Variants in SCFD2 observed in about 807,000 individuals in gnomAD.
The protein encoded by SCFD2 is sec1 family domain-containing protein 2.
SCFD2 carries 54 observed loss-of-function variants against 58.9 expected under a neutral mutation model. That is an observed-to-expected ratio of 0.92 (90% confidence interval 0.74 to 1.15). The LOEUF (loss-of-function observed/expected upper bound fraction) is 1.15. Ranked by LOEUF, SCFD2 falls within the 50% of genes most tolerant of loss-of-function variation. SCFD2 has a pLI of 0.00. For missense variants in SCFD2, 805 were observed against 836.6 expected (o/e 0.96, Z 0.47); for synonymous variants, 321 against 335.9 (o/e 0.96, Z 0.49).
At chr4:53,302,153 A>C (rs1368832101) in intron 3 of SCFD2, among the ~76,000 whole-genome samples, 1 of 152,194 alleles carries the variant, frequency 6.6e-6, no homozygotes, top group Non-Finnish European at 1.5e-5. Context: ...GAAAAGAGGA[A>C]GTCAAATTGT....
At chr4:52,973,433 T>C (rs927114903) in intron 5 of SCFD2, among the ~76,000 whole-genome samples, 10 of 152,196 alleles carry the variant, frequency 6.6e-5, no homozygotes, top group Admixed American at 1.3e-4. Flanking sequence ...CATGGATAAA[T>C]TCCTCGACAC....
intron 7 of SCFD2, among the ~76,000 whole-genome samples, chr4:52,895,111 G>A (rs553119915): frequency 6.9e-4 from 105 of 152,142 alleles, no homozygotes; most frequent in African/African-American, 2.5e-3. Flanking sequence ...TTTAGGTGGG[G>A]TACAGATTGT....
chr4:53,219,834 C>A (rs1728994762), intron 4 of SCFD2, among the ~76,000 whole-genome samples: 1 of 152,094 alleles, frequency 6.6e-6, no homozygotes, highest in African/African-American at 2.4e-5. Context: ...ACACTAAGAT[C>A]AAAAAATATA....
At chr4:53,165,133 C>T (rs765372978) in intron 4 of SCFD2, among the ~76,000 whole-genome samples, 12 of 152,126 alleles carry the variant, frequency 7.9e-5, no homozygotes, top group Non-Finnish European at 1.8e-4. Context: ...TAAGCGTTAC[C>T]ATAAAAATTT....
intron 5 of SCFD2, among the ~76,000 whole-genome samples, chr4:52,939,403 A>C (rs1720231905): frequency 6.6e-6 from 1 of 152,204 alleles, no homozygotes; most frequent in Non-Finnish European, 1.5e-5. Context: ...ATTCCAATCC[A>C]GGCTTGTCTG....
intron 4 of SCFD2, among the ~76,000 whole-genome samples, chr4:53,215,763 TATG>T (rs1728804135): frequency 6.6e-6 from 1 of 152,154 alleles, no homozygotes; most frequent in African/African-American, 2.4e-5. Flanking sequence ...GCCCATTCAG[TATG>T]ATATTGGCTG....
intron 4 of SCFD2, among the ~76,000 whole-genome samples, chr4:53,232,447 CA>C (rs1354903462): frequency 6.6e-6 from 1 of 151,702 alleles, no homozygotes; most frequent in South Asian, 2.1e-4. Context: ...AATCAGGAGA[CA>C]AAAAAACAAG....
intron 4 of SCFD2, among the ~76,000 whole-genome samples, chr4:53,201,360 T>G (rs977428132): frequency 1.2e-4 from 18 of 152,198 alleles, no homozygotes; most frequent in African/African-American, 4.3e-4. Context: ...GAACTCATCC[T>G]TTTTTATGGC....
In SCFD2 at chr4:52,920,752, T is replaced by C. The variant is rs1293048427; in HGVS notation, c.1680A>G (p.Val560=). 2.4e-5 allele frequency: 38 copies of C among 1,609,060 alleles called. No individual in the cohort carries two copies. Among genetic ancestry groups the C allele is most frequent in the South Asian group, 3.3e-5 (3 of 90,602 alleles). Residue 560 remains valine (V), a synonymous_variant, in exon 6 of 9, where the codon GTA becomes GTG. Coordinates refer to ENST00000401642, the MANE Select transcript of SCFD2 (RefSeq NM_152540.4). The part of the protein sequence containing the change: ...ARSLLKQFKS[V]YVPGNHTHQA... ...GGTGGGTATGATTTCCAGGAACATA[T>C]ACAGACTTAAACTGTTTCAGGAGAC...
intron 5 of SCFD2, among the ~76,000 whole-genome samples, chr4:53,094,346 A>C (rs1724557014): frequency 6.6e-6 from 1 of 152,154 alleles, no homozygotes; most frequent in African/African-American, 2.4e-5. Flanking sequence ...CAAGGTATCA[A>C]CAGGGTTGTT....
At chr4:53,034,839 G>A (rs149940345) in intron 5 of SCFD2, among the ~76,000 whole-genome samples, 2,251 of 152,312 alleles carry the variant, frequency 0.015, 56 homozygotes, top group African/African-American at 0.051. Context: ...ACAAACAAAT[G>A]TAAGAACATT....
chr4:53,234,932 G>C (rs1729549971), intron 4 of SCFD2, among the ~76,000 whole-genome samples: 1 of 152,236 alleles, frequency 6.6e-6, no homozygotes, highest in African/African-American at 2.4e-5. Flanking sequence ...AGGTGATCCT[G>C]GGCTGGTATG....
chr4:53,119,999 C>T (rs1725434110), intron 5 of SCFD2, among the ~76,000 whole-genome samples: 1 of 152,188 alleles, frequency 6.6e-6, no homozygotes, highest in Non-Finnish European at 1.5e-5. Context: ...GCAAGGGGCC[C>T]CTTCTATGCA....
At chr4:53,237,705 C>T (rs1729689999) in intron 4 of SCFD2, among the ~76,000 whole-genome samples, 1 of 132,536 alleles carries the variant, frequency 7.5e-6, no homozygotes, top group Non-Finnish European at 1.7e-5. Context: ...TCCTCACTTC[C>T]CAGTAGGGGC....
intron 5 of SCFD2, among the ~76,000 whole-genome samples, chr4:53,112,316 C>T (rs1725195685): frequency 6.6e-6 from 1 of 152,092 alleles, no homozygotes. Context: ...TCTTATATTA[C>T]AAAAGACTCT....
At chr4:52,969,237 G>A (rs544351562) in intron 5 of SCFD2, among the ~76,000 whole-genome samples, 3 of 152,276 alleles carry the variant, frequency 2.0e-5, no homozygotes, top group Non-Finnish European at 4.4e-5. Flanking sequence ...TTTCCTGACT[G>A]CAAGACCCTA....
intron 3 of SCFD2, among the ~76,000 whole-genome samples, chr4:53,311,643 A>AT (rs60003479): frequency 3.1e-4 from 46 of 150,324 alleles, no homozygotes; most frequent in East Asian, 9.8e-4. Flanking sequence ...TTGATTCACA[A>AT]TTTTTTTTTT....
chr4:53,305,670 A>G (rs1478157094), intron 3 of SCFD2, among the ~76,000 whole-genome samples: 1 of 152,176 alleles, frequency 6.6e-6, no homozygotes, highest in East Asian at 1.9e-4. Context: ...ATTAATAAAT[A>G]TTTTAAAATA....
In SCFD2 at chr4:53,135,466, T is replaced by C. The variant is rs1261675215; in HGVS notation, c.1561+9867A>G. 2.0e-5 allele frequency among the ~76,000 whole-genome samples: 3 copies of C among 152,364 alleles called. No individual in the cohort carries two copies. The East Asian group carries it at 5.8e-4, about 29-fold the overall frequency. ...TAAGAGGATCTCAGGCTAGGCGTGG[T>C]GGCTCACGCCTATAATCCCAGCACT... On this transcript the variant is annotated intron_variant, in intron 5 of 8. Transcript: ENST00000401642.
Sources: gnomAD v4.1 joint callset for allele counts (sites outside exome capture counted in the v4.1 genomes callset) on GRCh38, gnomAD v4.1.1 for gene constraint, MANE v1.5 for transcripts, NCBI Gene and HGNC (gene_info 2026-07-23, HGNC 2026-07-21) for gene names.